The following THSD4 variants were observed in gnomAD, a reference collection of about 807,000 sequenced individuals.
The protein encoded by THSD4 is thrombospondin type 1 domain containing 4, also known as thrombospondin type-1 domain-containing protein 4.
Under a neutral mutation model 119.0 loss-of-function variants are expected in THSD4, and 69 were observed. The observed-to-expected ratio is 0.58, with a 90% CI of 0.48 to 0.71. THSD4 has a LOEUF of 0.71. THSD4 is among the 30% of genes least tolerant of loss of function. THSD4 has a pLI of 0.00. For synonymous variants in THSD4, 524 were observed against 540.4 expected, an observed-to-expected ratio of 0.97 and a Z score of 0.42; for missense variants, 1,393 against 1,391.1, an observed-to-expected ratio of 1.00 and a Z score of -0.02.
intron 7 of THSD4, among the ~76,000 whole-genome samples, chr15:71,465,381 T>C (rs2140625416): frequency 6.6e-6 from 1 of 152,278 alleles, no homozygotes; most frequent in East Asian, 1.9e-4. Flanking sequence ...TTAATTAGGG[T>C]GGCTGTGAGA....
At chr15:71,157,109 T>G (rs2040785622) in intron 3 of THSD4, among the ~76,000 whole-genome samples, 1 of 152,238 alleles carries the variant, frequency 6.6e-6, no homozygotes, top group Non-Finnish European at 1.5e-5. Context: ...CCTCTTGTTG[T>G]TGTTGCTCAA....
intron 10 of THSD4, chr15:71,733,595 T>C (rs2053023630): frequency 6.6e-6 from 1 of 152,068 alleles, no homozygotes; most frequent in Non-Finnish European, 1.5e-5. Flanking sequence ...CCATGAAGCA[T>C]AATAACCAAC....
intron 6 of THSD4, among the ~76,000 whole-genome samples, chr15:71,276,462 T>C (rs1160120633): frequency 6.6e-6 from 1 of 152,212 alleles, no homozygotes; most frequent in Non-Finnish European, 1.5e-5. Flanking sequence ...TCCTCACCTG[T>C]GTGAGCTCTG....
chr15:71,683,360 T>C (rs1368791555), intron 8 of THSD4, among the ~76,000 whole-genome samples: 2 of 152,152 alleles, frequency 1.3e-5, no homozygotes, highest in Admixed American at 6.5e-5. Context: ...TCAATAAACA[T>C]GTACTGAGTC....
chr15:71,446,987 G>A (rs1293826304), intron 7 of THSD4, among the ~76,000 whole-genome samples: 2 of 152,092 alleles, frequency 1.3e-5, no homozygotes, highest in East Asian at 1.9e-4. Flanking sequence ...AAGAAGTCAG[G>A]GGAGTGGGCC....
intron 7 of THSD4, among the ~76,000 whole-genome samples, chr15:71,452,364 T>TG (rs2047276981): frequency 6.6e-6 from 1 of 151,942 alleles, no homozygotes; most frequent in East Asian, 1.9e-4. Flanking sequence ...CACCCCCAGG[T>TG]GTTTCTACCC....
In THSD4 at chr15:71,779,011, C is replaced by T. The variant is rs563506509; in HGVS notation, c.*1637C>T. ...AGCCTGGATTCTTAGCAAAGTGTTT[C>T]CCCCATTTGCTCTTTTAGCTGACAA... On this transcript the variant is annotated 3_prime_UTR_variant, in exon 18 of 18. Transcript: ENST00000261862. 4 of 152,200 alleles carry T rather than the reference C, an allele frequency of 2.6e-5. No individual in the cohort carries two copies. The highest frequency in any genetic ancestry group is 5.9e-5 in the Non-Finnish European group (4 of 68,048). The allele number at this position is 152,200 out of a possible 1,614,324, so 9.4% of individuals were successfully genotyped here.
intron 6 of THSD4, among the ~76,000 whole-genome samples, chr15:71,314,492 A>T (rs2045159109): frequency 6.6e-6 from 1 of 152,032 alleles, no homozygotes; most frequent in African/African-American, 2.4e-5. Flanking sequence ...TATTTAGTGG[A>T]GATGGGGTTT....
rs182710607 is a variant in THSD4 at position 71,124,634 on chromosome 15, A to C, written c.-80+8936A>C. 3.9e-3 allele frequency among the ~76,000 whole-genome samples: 592 copies of C among 152,340 alleles called. 5 individuals carry two copies. The highest frequency in any genetic ancestry group is 0.014 in the African/African-American group (571 of 41,574). On this transcript the variant is annotated intron_variant, in intron 1 of 17. Transcript: ENST00000261862. ...TAGGCGGTTCCTTTAATACAATTTT[A>C]AATTATTTAGGTAGTTATTCTAGTG...
At chr15:71,676,795 A>G (rs919700464) in intron 8 of THSD4, among the ~76,000 whole-genome samples, 1 of 152,188 alleles carries the variant, frequency 6.6e-6, no homozygotes, top group African/African-American at 2.4e-5. Context: ...GGTAATATGC[A>G]CCAGAATTTC....
intron 1 of THSD4, among the ~76,000 whole-genome samples, chr15:71,124,389 C>T (rs1174162602): frequency 2.6e-4 from 40 of 152,188 alleles, no homozygotes; most frequent in Admixed American, 2.6e-3. Context: ...CAAAAACAGG[C>T]AGAGGGTCAG....
At position 71,248,750 on chromosome 15, in the gene THSD4, G is replaced by T. The variant is rs989202728; in HGVS notation, c.912+5654G>T. On this transcript the variant is annotated intron_variant, in intron 5 of 17. Coordinates refer to ENST00000261862, the MANE Select transcript of THSD4 (RefSeq NM_024817.3). ...AGATGTTGGCCGAATCTCAAATCTAGATTGGCGTGCTCTCTGCAGGCAGAT... is the reference window on the plus strand; with the variant it reads ...AGATGTTGGCCGAATCTCAAATCTATATTGGCGTGCTCTCTGCAGGCAGAT... Among the ~76,000 whole-genome samples the T allele has an allele frequency of 3.3e-5, 5 of 151,586 alleles. No individual in the cohort carries two copies. The South Asian group carries it at 1.1e-3, about 33-fold the overall frequency.
chr15:71,653,383 T>C (rs1333888920), intron 7 of THSD4, among the ~76,000 whole-genome samples: 1 of 152,214 alleles, frequency 6.6e-6, no homozygotes, highest in Non-Finnish European at 1.5e-5. Flanking sequence ...CGGTGTCCCA[T>C]GAGCTTTGGA....
rs115108571 is a variant in THSD4 at position 71,286,101 on chromosome 15, G to A, written c.1015+29386G>A. On this transcript the variant is annotated intron_variant, in intron 6 of 17. Coordinates refer to ENST00000261862, the MANE Select transcript of THSD4 (RefSeq NM_024817.3). ...ACCAGTTTACTCTAAGTTGGGTTTG[G>A]GGTCATGCTTTTACTGTTGTTGTTA... Among the ~76,000 whole-genome samples the A allele has an allele frequency of 3.0e-3, 458 of 152,084 alleles. 1 individual carries two copies. Among genetic ancestry groups the A allele is most frequent in the African/African-American group, 0.01 (422 of 41,458 alleles).
chr15:71,552,055 A>AG (rs56355316), intron 7 of THSD4, among the ~76,000 whole-genome samples: 51,811 of 152,012 alleles, frequency 0.34, 10,350 homozygotes, highest in South Asian at 0.48. Context: ...GTGGGAAAAG[A>AG]GGGGGAGCAT....
chr15:71,253,827 C>G (rs570386861), intron 5 of THSD4, among the ~76,000 whole-genome samples: 2 of 152,176 alleles, frequency 1.3e-5, no homozygotes, highest in Non-Finnish European at 2.9e-5. Context: ...CCAGAGATAA[C>G]ACTTTTAACC....
At chr15:71,740,707 A>T (rs933362797) in intron 11 of THSD4, among the ~76,000 whole-genome samples, 1 of 152,218 alleles carries the variant, frequency 6.6e-6, no homozygotes, top group Non-Finnish European at 1.5e-5. Context: ...TTGAAATTTA[A>T]AGAAAGCAAG....
intron 10 of THSD4, among the ~76,000 whole-genome samples, chr15:71,735,882 GTC>G (rs1173455293): frequency 2.7e-5 from 3 of 109,910 alleles, no homozygotes; most frequent in Non-Finnish European, 5.7e-5. Flanking sequence ...TTCTGTCTCT[GTC>G]TCTCTGTCTC....
At chr15:71,450,936 G>C (rs573707597) in intron 7 of THSD4, among the ~76,000 whole-genome samples, 1 of 152,166 alleles carries the variant, frequency 6.6e-6, no homozygotes, top group Non-Finnish European at 1.5e-5. Context: ...TCAGCACTTT[G>C]GGAGGCCAGA....
Sources: allele counts gnomAD v4.1 joint callset (sites outside exome capture counted in the v4.1 genomes callset), GRCh38; gene constraint gnomAD v4.1.1; transcripts MANE v1.5; gene names NCBI Gene and HGNC (gene_info 2026-07-23, HGNC 2026-07-21).